SAMD5: variants seen among roughly 807,000 people sequenced by gnomAD.
SAMD5 encodes the protein sterile alpha motif domain containing 5.
A neutral mutation model predicts 11.3 loss-of-function variants in SAMD5; 13 were observed. That is an observed-to-expected ratio of 1.15 (90% CI 0.75 to 1.83). The LOEUF (loss-of-function observed/expected upper bound fraction) is 1.83, where lower values mean the gene tolerates loss of function less well. Among genes scored for constraint, SAMD5 ranks in the 40% most tolerant of loss-of-function variants. The pLI is 0.00. For synonymous variants in SAMD5, 129 were observed against 111.3 expected (o/e 1.16, Z -1.00); for missense variants, 255 against 239.1 (o/e 1.07, Z -0.44).
At position 147,737,031 on chromosome 6, in the gene SAMD5, TGAG is replaced by T. The variant is rs368277290; in HGVS notation, c.163-282_163-280del. Among the ~76,000 whole-genome samples the T allele has an allele frequency of 3.9e-4, 59 of 152,190 alleles. 1 individual carries two copies. The East Asian group carries it at 6.9e-3, about 18-fold the overall frequency. On this transcript the variant is annotated intron_variant, in intron 1 of 1. Transcript: ENST00000566741. ...ATCAACATTTCAGTACAAATGAAAATGAGGAGATTGATTTATGATTGGGTTAAC... is the reference window on the plus strand; with the variant it reads ...ATCAACATTTCAGTACAAATGAAAATGAGATTGATTTATGATTGGGTTAAC...
At chr6:147,715,749 G>A (rs918907962) in intron 1 of SAMD5, among the ~76,000 whole-genome samples, 86 of 152,304 alleles carry the variant, frequency 5.6e-4, no homozygotes, top group African/African-American at 2.0e-3. Flanking sequence ...CAACAGAACA[G>A]CTCAGAGGAG....
At chr6:147,744,897 C>T in the SAMD5 span, among the ~76,000 whole-genome samples, 2 of 34,606 alleles carry the variant, frequency 5.8e-5, no homozygotes, top group African/African-American at 3.2e-4. Context: ...GACTCTGTCT[C>T]ACAATAAATA....
chr6:147,592,956 T>G (rs1789477600), intron 1 of SAMD5, among the ~76,000 whole-genome samples: 1 of 152,174 alleles, frequency 6.6e-6, no homozygotes, highest in African/African-American at 2.4e-5. Context: ...AGAAGAGACT[T>G]CAGGATCATG....
intron 1 of SAMD5, among the ~76,000 whole-genome samples, chr6:147,578,756 TTTCATACAGAAC>T (rs1789253776): frequency 6.6e-6 from 1 of 151,260 alleles, no homozygotes; most frequent in Admixed American, 6.6e-5. Flanking sequence ...ATCATTTATA[TTTCATACAGAAC>T]ATCAAAAGTA....
chr6:147,868,968 A>G, the SAMD5 span, among the ~76,000 whole-genome samples: 1 of 152,340 alleles, frequency 6.6e-6, no homozygotes, highest in African/African-American at 2.4e-5. Context: ...ATCATAAATG[A>G]TGGAAAGGGG....
chr6:147,831,765 T>C, the SAMD5 span, among the ~76,000 whole-genome samples: 1 of 152,198 alleles, frequency 6.6e-6, no homozygotes, highest in African/African-American at 2.4e-5. Context: ...ATGTGCACAC[T>C]GAATTTCTCA....
the SAMD5 span, among the ~76,000 whole-genome samples, chr6:147,900,407 T>G: frequency 8.5e-5 from 13 of 152,224 alleles, no homozygotes; most frequent in African/African-American, 3.1e-4. Flanking sequence ...TATTTTGTCT[T>G]TCATCATTTT....
chr6:147,679,606 T>C (rs1428217433), intron 1 of SAMD5, among the ~76,000 whole-genome samples: 2 of 152,094 alleles, frequency 1.3e-5, no homozygotes, highest in Admixed American at 6.6e-5. Flanking sequence ...CTGTGGCTTA[T>C]TTTTTCATTT....
At chr6:147,868,316 C>T in the SAMD5 span, among the ~76,000 whole-genome samples, 91 of 152,140 alleles carry the variant, frequency 6.0e-4, no homozygotes, top group Non-Finnish European at 7.5e-4. Flanking sequence ...AGACATTAAT[C>T]TTCCAATAGG....
intron 1 of SAMD5, among the ~76,000 whole-genome samples, chr6:147,622,668 C>T (rs527598446): frequency 1.3e-5 from 2 of 152,304 alleles, no homozygotes; most frequent in South Asian, 4.1e-4. Context: ...TCAGGCCATG[C>T]GACAGGAAGA....
chr6:147,918,729 G>T, the SAMD5 span, among the ~76,000 whole-genome samples: 1,598 of 129,176 alleles, frequency 0.012, 40 homozygotes, highest in African/African-American at 0.043. Flanking sequence ...ACAGAGTCTC[G>T]CTCTGTTGCC....
At chr6:147,529,431 T>A (rs1788393533) in intron 1 of SAMD5, among the ~76,000 whole-genome samples, 1 of 152,198 alleles carries the variant, frequency 6.6e-6, no homozygotes, top group African/African-American at 2.4e-5. Flanking sequence ...TTTAGGTGTA[T>A]TTATCTTCTA....
At chr6:147,768,449 G>A in the SAMD5 span, among the ~76,000 whole-genome samples, 2 of 152,120 alleles carry the variant, frequency 1.3e-5, no homozygotes, top group Non-Finnish European at 2.9e-5. Context: ...AGTGAGTAGA[G>A]ATCGCACCAC....
chr6:147,896,133 G>A, the SAMD5 span, among the ~76,000 whole-genome samples: 1 of 152,188 alleles, frequency 6.6e-6, no homozygotes, highest in East Asian at 1.9e-4. Flanking sequence ...GGGGAACTTT[G>A]CTATTTTCCT....
intron 1 of SAMD5, among the ~76,000 whole-genome samples, chr6:147,542,073 C>T (rs547447550): frequency 1.3e-5 from 2 of 152,326 alleles, no homozygotes; most frequent in South Asian, 2.1e-4. Context: ...CAGAAAGACA[C>T]CCACCATGGG....
chr6:147,533,354 C>G (rs941370066), intron 1 of SAMD5, among the ~76,000 whole-genome samples: 9 of 151,200 alleles, frequency 6.0e-5, no homozygotes, highest in Non-Finnish European at 4.4e-5. Context: ...TTCAGCTACT[C>G]CGGAGGCTGA....
intron 1 of SAMD5, among the ~76,000 whole-genome samples, chr6:147,538,720 A>G (rs1788552684): frequency 6.6e-6 from 1 of 152,218 alleles, no homozygotes; most frequent in African/African-American, 2.4e-5. Flanking sequence ...CTTTGACCTT[A>G]AAGCATTTAG....
chr6:147,632,438 A>C (rs2064333), intron 1 of SAMD5, among the ~76,000 whole-genome samples: 19,847 of 152,152 alleles, frequency 0.13, 1,334 homozygotes, highest in Middle Eastern at 0.15. Context: ...GCTGAGAGGT[A>C]GTGGAGAGGG....
chr6:147,540,783 G>T (rs520091), intron 1 of SAMD5, among the ~76,000 whole-genome samples: 83 of 151,906 alleles, frequency 5.5e-4, no homozygotes, highest in Non-Finnish European at 1.1e-3. Flanking sequence ...GAGAGGGGGG[G>T]GGTCCAGAAA....
Sources: allele counts gnomAD v4.1 joint callset (sites outside exome capture counted in the v4.1 genomes callset), GRCh38; gene constraint gnomAD v4.1.1; transcripts MANE v1.5; gene names NCBI Gene and HGNC (gene_info 2026-07-23, HGNC 2026-07-21).